The following NELL2 variants were observed in gnomAD, a reference collection of about 807,000 sequenced individuals.
NELL2 encodes neural EGFL like 2, also known as protein kinase C-binding protein NELL2.
A neutral mutation model predicts 109.6 loss-of-function variants in NELL2; 41 were observed. That is an observed-to-expected ratio of 0.37 (90% CI 0.29 to 0.49). The LOEUF (loss-of-function observed/expected upper bound fraction) is 0.49. Among genes scored for constraint, NELL2 ranks in the 20% least tolerant of loss-of-function variants. NELL2 has a pLI of 0.98. For synonymous variants in NELL2, 355 were observed against 344.7 expected, an observed-to-expected ratio of 1.03 and a Z score of -0.33; for missense variants, 900 against 1,008.3, an observed-to-expected ratio of 0.89 and a Z score of 1.45.
At chr12:44,627,572 T>C (rs1224291320) in intron 13 of NELL2, among the ~76,000 whole-genome samples, 1 of 152,124 alleles carries the variant, frequency 6.6e-6, no homozygotes. Context: ...CAAACAATTG[T>C]ATAGTTGACT....
chr12:44,646,512 GA>G (rs999910042), intron 13 of NELL2, among the ~76,000 whole-genome samples: 5 of 152,146 alleles, frequency 3.3e-5, no homozygotes, highest in Admixed American at 3.3e-4. Context: ...AGCATGGTAA[GA>G]AATTAGTGAC....
chr12:44,561,169 G>A (rs1943454638), intron 15 of NELL2, among the ~76,000 whole-genome samples: 1 of 152,146 alleles, frequency 6.6e-6, no homozygotes, highest in Non-Finnish European at 1.5e-5. Flanking sequence ...AGGAATTGAT[G>A]GAATGTATCT....
chr12:44,686,446 C>T (rs991275208), intron 12 of NELL2, among the ~76,000 whole-genome samples: 12 of 152,168 alleles, frequency 7.9e-5, no homozygotes, highest in Admixed American at 2.0e-4. Context: ...AGCTTTATTC[C>T]GTTGCTGTTG....
Position 44,830,014 on chromosome 12 carries a change from G to A in NELL2, c.185-13878C>T, listed in dbSNP as rs1043349569. ...AAAAACTGGTTATTATTCTAACCAC[G>A]TATGTGTTACTGTTTTGACATGGCT... On this transcript the variant is annotated intron_variant, in intron 2 of 19. Coordinates refer to ENST00000429094, the MANE Select transcript of NELL2 (RefSeq NM_001145108.2). Among the ~76,000 whole-genome samples the A allele has an allele frequency of 2.6e-5, 4 of 152,204 alleles. No homozygotes were observed. In the East Asian group the frequency reaches 5.8e-4, roughly 22 times the overall value.
In NELL2 at chr12:44,654,546, G is replaced by C. The variant is rs113404871; in HGVS notation, c.1444+10938C>G. On this transcript the variant is annotated intron_variant, in intron 13 of 19. Transcript: ENST00000429094. Reference sequence around the variant, plus strand: ...TTCTAACCAATAGTTTACAGCAAAAGTAACAGGATGTCAGTTCCTATTGGA... The same window carrying C: ...TTCTAACCAATAGTTTACAGCAAAACTAACAGGATGTCAGTTCCTATTGGA... Among the ~76,000 whole-genome samples, 1,117 of 152,280 alleles carry C rather than the reference G, an allele frequency of 7.3e-3. 9 individuals carry two copies. Among genetic ancestry groups the C allele is most frequent in the African/African-American group, 0.021 (879 of 41,546 alleles).
chr12:44,836,070 C>T (rs1428446516), intron 2 of NELL2, among the ~76,000 whole-genome samples: 1 of 152,178 alleles, frequency 6.6e-6, no homozygotes, highest in Non-Finnish European at 1.5e-5. Flanking sequence ...AGGAACAGAT[C>T]ATAGTTCTGT....
rs377468475 is a variant in NELL2 at position 44,711,122 on chromosome 12, A to G, written c.1189+170T>C. 1.5e-4 allele frequency among the ~76,000 whole-genome samples: 23 copies of G among 152,222 alleles called. No individual in the cohort carries two copies. In the South Asian group the frequency reaches 4.6e-3, roughly 30 times the overall value. ...TCAGTTTTAATTCAGTTCAGTAAATATTTCATGACTACCTACTGTGCTACT... is the reference window on the plus strand; with the variant it reads ...TCAGTTTTAATTCAGTTCAGTAAATGTTTCATGACTACCTACTGTGCTACT... On this transcript the variant is annotated intron_variant, in intron 11 of 19. Coordinates refer to ENST00000429094, the MANE Select transcript of NELL2 (RefSeq NM_001145108.2).
chr12:44,724,820 A>AGG (rs1443386808), intron 9 of NELL2, among the ~76,000 whole-genome samples: 18 of 151,158 alleles, frequency 1.2e-4, no homozygotes, highest in African/African-American at 4.3e-4. Flanking sequence ...CTAAGGGGAA[A>AGG]AAAAAAAAAA....
chr12:44,615,911 A>C (rs974735373), intron 13 of NELL2, among the ~76,000 whole-genome samples: 3 of 152,152 alleles, frequency 2.0e-5, no homozygotes, highest in Non-Finnish European at 2.9e-5. Context: ...AACATGTTCA[A>C]GTTCAAATCC....
chr12:44,840,592 C>T (rs923746197), intron 2 of NELL2, among the ~76,000 whole-genome samples: 8 of 151,394 alleles, frequency 5.3e-5, no homozygotes, highest in Admixed American at 1.3e-4. Context: ...AGCAGAGATG[C>T]GCCACTGCAC....
intron 1 of NELL2, among the ~76,000 whole-genome samples, chr12:44,892,494 C>T (rs892611511): frequency 6.6e-6 from 1 of 152,090 alleles, no homozygotes; most frequent in South Asian, 2.1e-4. Context: ...TCTTATCAAA[C>T]TATTACTGAT....
chr12:44,888,742 A>G (rs1226285009), intron 1 of NELL2, among the ~76,000 whole-genome samples: 1 of 151,816 alleles, frequency 6.6e-6, no homozygotes, highest in East Asian at 1.9e-4. Flanking sequence ...GAGATGACCT[A>G]TTTGGAACAT....
intron 13 of NELL2, 72 bp downstream of exon 13, chr12:44,665,412 A>T: frequency 7.4e-7 from 1 of 1,345,574 alleles, no homozygotes. Flanking sequence ...CAAAAAAATG[A>T]GAGTCAAAGA....
At chr12:44,533,447 T>C (rs190556113) in intron 15 of NELL2, among the ~76,000 whole-genome samples, 220 of 152,144 alleles carry the variant, frequency 1.4e-3, no homozygotes, top group African/African-American at 5.1e-3. Flanking sequence ...GATAGTACAT[T>C]GAACATGTGA....
chr12:44,610,295 T>C (rs1378234793), intron 14 of NELL2, among the ~76,000 whole-genome samples: 1 of 149,672 alleles, frequency 6.7e-6, no homozygotes, highest in African/African-American at 2.5e-5. Flanking sequence ...ATGGAGTTGA[T>C]TCACATGGTA....
At chr12:44,711,907 G>A (rs1215889815) in intron 10 of NELL2, among the ~76,000 whole-genome samples, 2 of 152,012 alleles carry the variant, frequency 1.3e-5, no homozygotes, top group Non-Finnish European at 2.9e-5. Context: ...CTTGTCTCTT[G>A]TAAATTAATG....
chr12:44,741,963 T>A (rs2136500244), intron 9 of NELL2, among the ~76,000 whole-genome samples: 1 of 152,246 alleles, frequency 6.6e-6, no homozygotes, highest in African/African-American at 2.4e-5. Flanking sequence ...AAGAGAGTAG[T>A]GGTTCTCCCA....
At chr12:44,831,652 G>A (rs1403423940) in intron 2 of NELL2, among the ~76,000 whole-genome samples, 2 of 152,120 alleles carry the variant, frequency 1.3e-5, no homozygotes, top group Non-Finnish European at 2.9e-5. Context: ...CCTCGCCACT[G>A]GGATGTGAGC....
upstream of NELL2, among the ~76,000 whole-genome samples, chr12:44,881,179 CAG>C (rs1945407856): frequency 6.6e-6 from 1 of 151,856 alleles, no homozygotes; most frequent in Admixed American, 6.6e-5. Flanking sequence ...TAACAAAATT[CAG>C]AGTTTTATAA....
Sources: gnomAD v4.1 joint callset for allele counts (sites outside exome capture counted in the v4.1 genomes callset) on GRCh38, gnomAD v4.1.1 for gene constraint, MANE v1.5 for transcripts, NCBI Gene and HGNC (gene_info 2026-07-23, HGNC 2026-07-21) for gene names.